NELFB: variants seen among roughly 807,000 people sequenced by gnomAD.
The protein encoded by NELFB is negative elongation factor B.
Under a neutral mutation model 60.2 loss-of-function variants are expected in NELFB, and 34 were observed. The observed-to-expected ratio is 0.56, with a 90% CI of 0.43 to 0.75. The LOEUF is 0.75. Among genes scored for constraint, NELFB ranks in the 30% least tolerant of loss-of-function variants. The pLI is 0.00. For missense variants in NELFB, 770 were observed against 831.6 expected (o/e 0.93, Z 0.91); for synonymous variants, 459 against 382.1 (o/e 1.20, Z -2.35).
intron 3 of NELFB, 138 bp from the exon 4 acceptor site, chr9:137,256,686 C>T (rs751984898): frequency 1.6e-5 from 13 of 812,260 alleles, no homozygotes; most frequent in Middle Eastern, 2.6e-4. Flanking sequence ...ATGCTGGGGC[C>T]GGGGAACCAG....
Position 137,265,999 on chromosome 9 carries a change from G to A in NELFB, c.1143+20G>A. The A allele has an allele frequency of 6.4e-7, 1 of 1,570,670 alleles. No individual in the cohort carries two copies. The highest frequency in any genetic ancestry group is 8.8e-7 in the Non-Finnish European group (1 of 1,142,260). ...CCCAGGGTGAGTGTGGGCTTGGCCA[G>A]CAGCTGTCGGGGCCATGCGGCCACT... is the stretch of plus-strand genomic sequence containing the variant. On this transcript the variant is annotated intron_variant, in intron 7 of 12. Transcript: ENST00000343053.
chr9:137,259,198 GAAA>G (rs59345853), intron 4 of NELFB, among the ~76,000 whole-genome samples: 3 of 149,770 alleles, frequency 2.0e-5, no homozygotes, highest in Admixed American at 6.6e-5. Context: ...GTCTCAAAAG[GAAA>G]AAAAAAATAT....
chr9:137,265,845 G>T, intron 6 of NELFB, 32 bp from the exon 7 acceptor site: 2 of 1,448,416 alleles, frequency 1.4e-6, no homozygotes, highest in Non-Finnish European at 1.9e-6. Flanking sequence ...GGCAACAGGC[G>T]TCGCATTAAT....
At chr9:137,261,165 A>C (rs1360972533) in intron 4 of NELFB, among the ~76,000 whole-genome samples, 1 of 150,074 alleles carries the variant, frequency 6.7e-6, no homozygotes, top group Non-Finnish European at 1.5e-5. Flanking sequence ...ACATGGTGAA[A>C]CCGCATCTAC....
intron 1 of NELFB, 103 bp from the exon 2 acceptor site, chr9:137,255,804 A>C (rs1247685846): frequency 1.9e-6 from 3 of 1,546,046 alleles, no homozygotes; most frequent in African/African-American, 1.4e-5. Flanking sequence ...GGTTACCGCC[A>C]GCACGGCTGG....
rs1830471935 is a variant in NELFB at position 137,263,042 on chromosome 9, G to A, written c.747G>A (p.Val249=). ...GACAGTGCCTCTTGCTGCAGGTGGT[G>A]CAGCGGCTGACGCGGATGGTGGGGA... Residue 249 remains valine, a synonymous_variant, in exon 5 of 13, where the codon GTG becomes GTA. Coordinates refer to ENST00000343053, the MANE Select transcript of NELFB (RefSeq NM_015456.5). The A allele has an allele frequency of 6.2e-7, 1 of 1,611,726 alleles. No homozygotes were observed. Among genetic ancestry groups the A allele is most frequent in the African/African-American group, 1.3e-5 (1 of 74,912 alleles).
At position 137,266,368 on chromosome 9, in the gene NELFB, C is replaced by T. The variant is rs150102832; in HGVS notation, c.1181C>T (p.Ala394Val). 1.1e-5 allele frequency: 18 copies of T among 1,612,952 alleles called. No homozygotes were observed. The highest frequency in any genetic ancestry group is 3.3e-5 in the South Asian group (3 of 91,080). Residue 394 changes from alanine (A) to valine (V), a missense_variant, in exon 8 of 13, where the codon GCG becomes GTG. Coordinates refer to ENST00000343053, the MANE Select transcript of NELFB (RefSeq NM_015456.5). ...CTCCTGCTGCTGCTCCGGCTGCTGG[C>T]GCTGGGCCAGGGAGCCTGGGACATG...
Position 137,269,858 on chromosome 9 carries a change from C to T in NELFB, c.1490-2223C>T, listed in dbSNP as rs549311999. On this transcript the variant is annotated intron_variant, in intron 10 of 12. Transcript: ENST00000343053. This position sits in a 1 kb window ranked among gnomAD's most constrained non-coding sequence, Gnocchi z 5.3. ...GCAGCTTCTCGGAGTACGTGGCTGCCCCACGGGGTGGGATGTGCATTTTCA... is the reference window on the plus strand; with the variant it reads ...GCAGCTTCTCGGAGTACGTGGCTGCTCCACGGGGTGGGATGTGCATTTTCA... 6.6e-6 allele frequency among the ~76,000 whole-genome samples: 1 copy of T among 152,330 alleles called. No homozygotes were observed. The highest frequency in any genetic ancestry group is 1.5e-5 in the Non-Finnish European group (1 of 68,032).
intron 10 of NELFB, among the ~76,000 whole-genome samples, chr9:137,270,158 G>C (rs28698333): frequency 6.6e-6 from 1 of 151,924 alleles, no homozygotes; most frequent in Non-Finnish European, 1.5e-5. Context: ...GCAGACGTAG[G>C]CATCTCTACA....
Position 137,256,415 on chromosome 9 carries a change from A to G in NELFB, c.497A>G (p.Lys166Arg). ...CAGCCCGTGGTGATGTGCGTCATGA[A>G]GCACCTGCCCAAGGTAGGGCCCTAA... The change falls in exon 3 of 13, where the codon AAG becomes AGG. Residue 166 changes from lysine (K) to arginine (R), a missense_variant. Physicochemically the swap from Lys to Arg is conservative, Grantham distance 26. Coordinates refer to ENST00000343053, the MANE Select transcript of NELFB (RefSeq NM_015456.5). The G allele has an allele frequency of 6.2e-7, 1 of 1,613,626 alleles. No individual in the cohort carries two copies.
chr9:137,271,088 T>C (rs1304911670), intron 10 of NELFB, among the ~76,000 whole-genome samples: 1 of 152,224 alleles, frequency 6.6e-6, no homozygotes, highest in Non-Finnish European at 1.5e-5. Context: ...TGCTGTCCCC[T>C]CTCCTGTCTC....
chr9:137,267,059 C>A lies in NELFB; in HGVS notation c.1355C>A (p.Pro452Gln). The A allele has an allele frequency of 6.2e-7, 1 of 1,614,080 alleles. No individual in the cohort carries two copies. The highest frequency in any genetic ancestry group is 1.1e-5 in the South Asian group (1 of 91,090). ...GAGGAGAAAGCCCCAGTCTCATATC[C>A]AAACACACTTCCCGAAAGCTTCACT... The change falls in exon 9 of 13, where the codon CCA becomes CAA. Residue 452 changes from proline (P) to glutamine (Q), a missense_variant. By Grantham distance (76) the Pro-to-Gln change is moderately conservative. Coordinates refer to ENST00000343053, the MANE Select transcript of NELFB (RefSeq NM_015456.5).
rs1175042896 is a variant in NELFB at position 137,273,282 on chromosome 9, G to T, written c.*354G>T. 1 of 233,550 alleles carries T rather than the reference G, an allele frequency of 4.3e-6. No individual in the cohort carries two copies. Among genetic ancestry groups the T allele is most frequent in the African/African-American group, 2.3e-5 (1 of 43,888 alleles). 14.5% of individuals were successfully genotyped at this position (233,550 alleles called of 1,614,324 possible). A position where few individuals can be genotyped will look rare whatever the true frequency, so the allele number is the denominator to read the frequency against. On this transcript the variant is annotated 3_prime_UTR_variant, in exon 13 of 13. Transcript: ENST00000343053. ...TCTTCATTGGCCCAGCTTGGCGAAAGCGAGGCACACTGCTTACTGCCTTGG... is the reference window on the plus strand; with the variant it reads ...TCTTCATTGGCCCAGCTTGGCGAAATCGAGGCACACTGCTTACTGCCTTGG...
chr9:137,260,371 T>A (rs1169333395), intron 4 of NELFB, among the ~76,000 whole-genome samples: 5 of 150,528 alleles, frequency 3.3e-5, no homozygotes, highest in East Asian at 1.9e-4. Flanking sequence ...TTATTTTTTT[T>A]AATTTTTAAA....
intron 4 of NELFB, 48 bp from the exon 5 acceptor site, chr9:137,262,989 G>C (rs750384003): frequency 5.7e-6 from 9 of 1,586,586 alleles, no homozygotes; most frequent in Middle Eastern, 3.3e-4. Context: ...CCCTGTGTCT[G>C]GCGGAGCCCA....
intron 6 of NELFB, 33 bp downstream of exon 6, chr9:137,264,390 C>T (rs993476405): frequency 2.0e-6 from 3 of 1,490,870 alleles, no homozygotes; most frequent in Non-Finnish European, 2.7e-6. Context: ...CTCTGCCCCT[C>T]AGGGCCCTGC....
chr9:137,258,907 T>A (rs1271827167), intron 4 of NELFB, among the ~76,000 whole-genome samples: 1 of 152,182 alleles, frequency 6.6e-6, no homozygotes, highest in Non-Finnish European at 1.5e-5. Context: ...AGCATGTAAT[T>A]CATGTGAAAG....
intron 4 of NELFB, 36 bp from the exon 5 acceptor site, chr9:137,263,001 G>A (rs1225660823): frequency 6.3e-7 from 1 of 1,598,916 alleles, no homozygotes; most frequent in South Asian, 1.1e-5. Context: ...CGGAGCCCAG[G>A]ACGGTCTGGG....
intron 8 of NELFB, 30 bp from the exon 9 acceptor site, chr9:137,266,914 G>T: frequency 1.2e-6 from 2 of 1,609,774 alleles, no homozygotes; most frequent in South Asian, 2.2e-5. Flanking sequence ...GCCCGGGCCC[G>T]CGCCCGCTCA....
Sources: gnomAD v4.1 joint callset for allele counts (sites outside exome capture counted in the v4.1 genomes callset) on GRCh38, gnomAD v4.1.1 for gene constraint, Gnocchi (gnomAD v3.1) non-coding constraint, MANE v1.5 for transcripts, NCBI Gene and HGNC (gene_info 2026-07-23, HGNC 2026-07-21) for gene names.